MCTP1: variants seen among roughly 807,000 people sequenced by gnomAD.
MCTP1 encodes the protein multiple C2 and transmembrane domain containing 1.
A neutral mutation model predicts 120.6 loss-of-function variants in MCTP1; 69 were observed. That is an observed-to-expected ratio of 0.57 (90% CI 0.47 to 0.70). The LOEUF (loss-of-function observed/expected upper bound fraction) is 0.70. MCTP1 is among the 30% of genes least tolerant of loss of function. MCTP1 has a pLI of 0.00. For synonymous variants in MCTP1, 529 were observed against 493.1 expected (o/e 1.07, Z -0.96); for missense variants, 1,203 against 1,248.8 (o/e 0.96, Z 0.55).
At chr5:94,735,060 A>C (rs1257269915) in intron 19 of MCTP1, among the ~76,000 whole-genome samples, 1 of 152,180 alleles carries the variant, frequency 6.6e-6, no homozygotes, top group African/African-American at 2.4e-5. Flanking sequence ...ATAAACTTCT[A>C]CTACAAGAAG....
Position 94,853,451 on chromosome 5 carries a change from G to A in MCTP1, c.2436+14882C>T, listed in dbSNP as rs1456819352. Reference sequence around the variant, plus strand: ...TATGATGTTTCATTATGCAGACAAGGTTCAACTGTGTGTTTTTAAGCCAAG... The same window carrying A: ...TATGATGTTTCATTATGCAGACAAGATTCAACTGTGTGTTTTTAAGCCAAG... On this transcript the variant is annotated intron_variant, in intron 17 of 22. Coordinates refer to ENST00000515393, the MANE Select transcript of MCTP1 (RefSeq NM_024717.7). Among the ~76,000 whole-genome samples, 14 of 152,072 alleles carry A rather than the reference G, an allele frequency of 9.2e-5. No individual in the cohort carries two copies. The East Asian group carries it at 1.7e-3, about 19-fold the overall frequency.
chr5:95,253,878 G>T (rs2152703655), intron 1 of MCTP1, among the ~76,000 whole-genome samples: 1 of 152,114 alleles, frequency 6.6e-6, no homozygotes, highest in East Asian at 1.9e-4. Context: ...TTGTATATTT[G>T]CAATTTTCAG....
chr5:94,764,805 A>G (rs1482129776), intron 19 of MCTP1, among the ~76,000 whole-genome samples: 1 of 147,614 alleles, frequency 6.8e-6, no homozygotes, highest in Non-Finnish European at 1.5e-5. Flanking sequence ...CCCTACTGTC[A>G]GCACTGGATA....
chr5:95,271,391 C>G (rs1443924036), intron 1 of MCTP1, among the ~76,000 whole-genome samples: 1 of 151,774 alleles, frequency 6.6e-6, no homozygotes, highest in East Asian at 1.9e-4. Flanking sequence ...TTGAGGTGAT[C>G]TCAAAAAATG....
rs1561919301 is a variant in MCTP1 at position 94,954,193 on chromosome 5, T to TGTATATATATGCATATATTTAC, written c.839-833_839-832insGTAAATATATGCATATATATAC. Among the ~76,000 whole-genome samples the TGTATATATATGCATATATTTAC allele has an allele frequency of 5.1e-5, 3 of 59,272 alleles. 1 individual carries two copies. Among genetic ancestry groups the TGTATATATATGCATATATTTAC allele is most frequent in the Non-Finnish European group, 1.1e-4 (3 of 27,306 alleles). 38.9% of individuals were successfully genotyped at this position (59,272 alleles called of 152,430 possible). The stretch of plus-strand genomic sequence containing the variant: ...ACATATATATATATGCATATATATA[T>TGTATATATATGCATATATTTAC]ATATATATATATGCCATGGAATACT... On this transcript the variant is annotated intron_variant, in intron 2 of 22. Transcript: ENST00000515393.
chr5:94,939,111 G>A (rs1816915552), intron 5 of MCTP1, among the ~76,000 whole-genome samples: 2 of 151,874 alleles, frequency 1.3e-5, no homozygotes, highest in South Asian at 4.2e-4. Flanking sequence ...TAAAAAGGAG[G>A]GAGAGAAATA....
At chr5:94,823,972 C>T (rs1290590561) in intron 17 of MCTP1, among the ~76,000 whole-genome samples, 2 of 152,194 alleles carry the variant, frequency 1.3e-5, no homozygotes, top group African/African-American at 2.4e-5. Flanking sequence ...TCTAAATATA[C>T]AATCATGTCA....
intron 1 of MCTP1, among the ~76,000 whole-genome samples, chr5:95,266,769 G>T (rs539233438): frequency 3.9e-5 from 6 of 152,270 alleles, no homozygotes; most frequent in African/African-American, 1.4e-4. Flanking sequence ...AGCAGAGATT[G>T]GCAAACCTCA....
rs189127777 is a variant in MCTP1, at chr5:94,771,078, T to G, written c.2610+8032A>C. On this transcript the variant is annotated intron_variant, in intron 19 of 22. Coordinates refer to ENST00000515393, the MANE Select transcript of MCTP1 (RefSeq NM_024717.7). The stretch of plus-strand genomic sequence containing the variant: ...CAAACACCACCCTTCTTGTAGAAGC[T>G]TGCTTTGGAATTGAATGAAACATTA... Among the ~76,000 whole-genome samples the G allele has an allele frequency of 2.6e-3, 398 of 152,332 alleles. 2 individuals carry two copies. Among genetic ancestry groups the G allele is most frequent in the African/African-American group, 9.2e-3 (381 of 41,574 alleles).
chr5:94,890,719 G>C (rs1427433277), intron 11 of MCTP1, among the ~76,000 whole-genome samples: 1 of 152,138 alleles, frequency 6.6e-6, no homozygotes, highest in African/African-American at 2.4e-5. Context: ...TGTAGCACTT[G>C]AAGGAATTAA....
At chr5:94,891,359 T>A (rs1802566089) in intron 11 of MCTP1, among the ~76,000 whole-genome samples, 1 of 152,222 alleles carries the variant, frequency 6.6e-6, no homozygotes, top group Non-Finnish European at 1.5e-5. Context: ...GGGCACGTTG[T>A]GTTCCTACAG....
intron 1 of MCTP1, among the ~76,000 whole-genome samples, chr5:95,170,942 A>G (rs933711799): frequency 6.6e-6 from 1 of 150,858 alleles, no homozygotes; most frequent in Non-Finnish European, 1.5e-5. Flanking sequence ...TGTGAATTTG[A>G]TCCTGTCATT....
chr5:95,251,304 G>C (rs1757357739), intron 1 of MCTP1, among the ~76,000 whole-genome samples: 1 of 152,044 alleles, frequency 6.6e-6, no homozygotes, highest in African/African-American at 2.4e-5. Flanking sequence ...TTGACCATTA[G>C]AGGAACCTAA....
chr5:94,740,224 C>T (rs1051802391), intron 19 of MCTP1, among the ~76,000 whole-genome samples: 1 of 152,200 alleles, frequency 6.6e-6, no homozygotes, highest in South Asian at 2.1e-4. Context: ...TGTGTCTCTA[C>T]AGGCTGCATA....
At chr5:94,988,597 GTTT>G (rs752489135) in intron 2 of MCTP1, among the ~76,000 whole-genome samples, 6 of 117,474 alleles carry the variant, frequency 5.1e-5, no homozygotes, top group East Asian at 2.3e-4. Context: ...CCCTGTGTGT[GTTT>G]TTTTTTTTTT....
At chr5:95,003,074 C>T (rs1218980802) in intron 2 of MCTP1, among the ~76,000 whole-genome samples, 1 of 152,102 alleles carries the variant, frequency 6.6e-6, no homozygotes, top group Non-Finnish European at 1.5e-5. Flanking sequence ...TTCATTTTCT[C>T]GCCTGCCATC....
At chr5:95,080,761 C>G (rs1318203388) in intron 1 of MCTP1, among the ~76,000 whole-genome samples, 2 of 152,172 alleles carry the variant, frequency 1.3e-5, no homozygotes, top group Admixed American at 1.3e-4. Context: ...CATTCATTCT[C>G]TATCCACAGG....
At chr5:95,165,865 T>C (rs745892446) in intron 1 of MCTP1, among the ~76,000 whole-genome samples, 47 of 152,348 alleles carry the variant, frequency 3.1e-4, no homozygotes, top group South Asian at 2.3e-3. Context: ...ATGTTCCCAA[T>C]TGGTCCAGAA....
chr5:94,748,379 C>T (rs535010329), intron 19 of MCTP1, among the ~76,000 whole-genome samples: 1 of 152,340 alleles, frequency 6.6e-6, no homozygotes, highest in South Asian at 2.1e-4. Flanking sequence ...GTTAAGGCTT[C>T]TCAGAGTAGT....
Sources: gnomAD v4.1 joint callset for allele counts (sites outside exome capture counted in the v4.1 genomes callset) on GRCh38, gnomAD v4.1.1 for gene constraint, MANE v1.5 for transcripts, NCBI Gene and HGNC (gene_info 2026-07-23, HGNC 2026-07-21) for gene names.